CAMK1D: variants seen among roughly 807,000 people sequenced by gnomAD.
CAMK1D encodes calcium/calmodulin-dependent protein kinase type 1D.
A neutral mutation model predicts 47.7 loss-of-function variants in CAMK1D; 9 were observed. The observed-to-expected ratio is 0.19, with a 90% confidence interval of 0.11 to 0.33. The LOEUF is 0.33. CAMK1D is among the 10% of genes least tolerant of loss of function. The probability of loss-of-function intolerance (pLI) is 1.00; values close to 1 mark genes in which losing one functional copy is unlikely to be tolerated. For missense variants in CAMK1D, 291 were observed against 488.7 expected, an observed-to-expected ratio of 0.60 and a Z score of 3.81; for synonymous variants, 184 against 184.9, an observed-to-expected ratio of 0.99 and a Z score of 0.04.
At chr10:12,686,296 T>C (rs1239328998) in intron 3 of CAMK1D, among the ~76,000 whole-genome samples, 1 of 152,168 alleles carries the variant, frequency 6.6e-6, no homozygotes, top group Non-Finnish European at 1.5e-5. Context: ...ATGCATGATG[T>C]TGTAGTAGTA....
intron 2 of CAMK1D, among the ~76,000 whole-genome samples, chr10:12,630,449 T>C (rs567679275): frequency 6.6e-6 from 1 of 151,760 alleles, no homozygotes; most frequent in South Asian, 2.1e-4. Flanking sequence ...TGATCATAGC[T>C]CACTGCAGCC....
chr10:12,578,219 C>A (rs1422838335), intron 2 of CAMK1D, among the ~76,000 whole-genome samples: 1 of 152,078 alleles, frequency 6.6e-6, no homozygotes, highest in Non-Finnish European at 1.5e-5. Context: ...GGACTACAGG[C>A]ATGCACCACC....
intron 1 of CAMK1D, among the ~76,000 whole-genome samples, chr10:12,367,338 C>T (rs971203241): frequency 6.6e-6 from 1 of 151,916 alleles, no homozygotes; most frequent in African/African-American, 2.4e-5. Flanking sequence ...CAGTGGTCCT[C>T]AATCTTTTTG....
intron 4 of CAMK1D, among the ~76,000 whole-genome samples, chr10:12,764,693 C>T (rs1224424399): frequency 1.3e-5 from 2 of 152,254 alleles, no homozygotes; most frequent in Non-Finnish European, 2.9e-5. Flanking sequence ...AATCCCTAAA[C>T]TTCCAGAGAA....
intron 1 of CAMK1D, among the ~76,000 whole-genome samples, chr10:12,460,034 G>A (rs558751300): frequency 6.6e-6 from 1 of 152,300 alleles, no homozygotes; most frequent in South Asian, 2.1e-4. Context: ...GTATTCACAA[G>A]CATTGCTAGA....
chr10:12,518,388 T>C (rs76637893), intron 1 of CAMK1D, among the ~76,000 whole-genome samples: 33,003 of 151,846 alleles, frequency 0.22, 3,888 homozygotes, highest in South Asian at 0.27. Context: ...AGTTGTCTCA[T>C]ACTTGGGCTT....
intron 1 of CAMK1D, among the ~76,000 whole-genome samples, chr10:12,447,581 G>C (rs747805400): frequency 2.6e-5 from 4 of 152,070 alleles, no homozygotes; most frequent in Non-Finnish European, 5.9e-5. Flanking sequence ...GTGCACCTGG[G>C]GTCCCAACTA....
In CAMK1D at chr10:12,831,654, T is replaced by A. The variant is rs1006938901; in HGVS notation, c.*2767T>A. 1.4e-4 allele frequency: 21 copies of A among 152,150 alleles called. No homozygotes were observed. The highest frequency in any genetic ancestry group is 5.1e-4 in the African/African-American group (21 of 41,426). The allele number at this position is 152,150 out of a possible 1,614,324, so 9.4% of individuals were successfully genotyped here. ...CATGCTTGGCCTGTCACACGCCGGG[T>A]CTCAACAACATCGTGCGAGGAGACA... On this transcript the variant is annotated 3_prime_UTR_variant, in exon 11 of 11. Transcript: ENST00000619168.
chr10:12,739,019 T>C (rs1197575817), intron 3 of CAMK1D, among the ~76,000 whole-genome samples: 2 of 152,012 alleles, frequency 1.3e-5, no homozygotes, highest in Non-Finnish European at 2.9e-5. Flanking sequence ...GGTGGATCGC[T>C]TGAGCCGAGA....
intron 1 of CAMK1D, among the ~76,000 whole-genome samples, chr10:12,453,909 T>C (rs1316613293): frequency 2.6e-5 from 4 of 152,142 alleles, no homozygotes; most frequent in African/African-American, 9.7e-5. Flanking sequence ...TAGTTTAATT[T>C]TGGGTTGTCC....
intron 1 of CAMK1D, among the ~76,000 whole-genome samples, chr10:12,487,360 AATGAACT>A (rs2132111871): frequency 6.6e-6 from 1 of 152,306 alleles, no homozygotes; most frequent in East Asian, 1.9e-4. Context: ...GATTATTTCA[AATGAACT>A]ACCCCACACT....
chr10:12,394,776 T>A (rs376379247), intron 1 of CAMK1D, among the ~76,000 whole-genome samples: 3 of 152,004 alleles, frequency 2.0e-5, no homozygotes, highest in African/African-American at 7.3e-5. Context: ...GGCTAAAGTG[T>A]TTATAGTGTT....
At chr10:12,812,948 G>A (rs1832663789) in intron 6 of CAMK1D, among the ~76,000 whole-genome samples, 2 of 152,196 alleles carry the variant, frequency 1.3e-5, no homozygotes, top group Non-Finnish European at 2.9e-5. Flanking sequence ...GGAAATTTTG[G>A]TCCAAAAAAA....
At chr10:12,597,056 A>C (rs1255611119) in intron 2 of CAMK1D, among the ~76,000 whole-genome samples, 1 of 151,948 alleles carries the variant, frequency 6.6e-6, no homozygotes, top group Non-Finnish European at 1.5e-5. Flanking sequence ...CCTTCAAAGC[A>C]CCCATCAGTG....
Position 12,637,616 on chromosome 10 carries a change from G to A in CAMK1D, c.225-29120G>A, listed in dbSNP as rs142511341. 3.0e-3 allele frequency among the ~76,000 whole-genome samples: 421 copies of A among 139,304 alleles called. 4 individuals are homozygous for A. The Middle Eastern group carries it at 0.04, about 13-fold the overall frequency. 91.4% of individuals were successfully genotyped at this position (139,304 alleles called of 152,430 possible). A position where few individuals can be genotyped will look rare whatever the true frequency, so the allele number is the denominator to read the frequency against. ...CTACTGGATTTGCTAATGTAAAGAT[G>A]TCCTGATTTTGGGAGGGCGGGGGTG... On this transcript the variant is annotated intron_variant, in intron 2 of 10. Transcript: ENST00000619168.
chr10:12,736,514 G>A (rs771666559), intron 3 of CAMK1D, among the ~76,000 whole-genome samples: 7 of 152,096 alleles, frequency 4.6e-5, no homozygotes, highest in Middle Eastern at 3.2e-3. Context: ...ATCCTTGAAA[G>A]TTTTCTGGCA....
At chr10:12,389,074 G>A (rs1838626028) in intron 1 of CAMK1D, among the ~76,000 whole-genome samples, 1 of 152,212 alleles carries the variant, frequency 6.6e-6, no homozygotes, top group Non-Finnish European at 1.5e-5. Context: ...AGGAAGAGGC[G>A]AGATGGGTCA....
At chr10:12,351,458 C>T (rs1004258904) in intron 1 of CAMK1D, among the ~76,000 whole-genome samples, 20 of 152,170 alleles carry the variant, frequency 1.3e-4, no homozygotes, top group African/African-American at 4.8e-4. Context: ...ATGGCCTTTG[C>T]TTGTCATCCA....
intron 2 of CAMK1D, among the ~76,000 whole-genome samples, chr10:12,660,463 G>T (rs982473459): frequency 6.6e-6 from 1 of 152,108 alleles, no homozygotes. Flanking sequence ...TGTACATTTG[G>T]TATCAGTTAT....
Sources: gnomAD v4.1 joint callset for allele counts (sites outside exome capture counted in the v4.1 genomes callset) on GRCh38, gnomAD v4.1.1 for gene constraint, MANE v1.5 for transcripts, NCBI Gene and HGNC (gene_info 2026-07-23, HGNC 2026-07-21) for gene names.